The following AGBL1 variants were observed in gnomAD, a reference collection of about 807,000 sequenced individuals.
AGBL1 encodes cytosolic carboxypeptidase 4.
AGBL1 carries 130 observed loss-of-function variants against 118.9 expected under a neutral mutation model. The ratio of observed to expected loss-of-function variants is 1.09; its 90% CI spans 0.95 to 1.26. The LOEUF (loss-of-function observed/expected upper bound fraction) is 1.26. Ranked by LOEUF, AGBL1 falls within the 50% of genes most tolerant of loss-of-function variation. AGBL1 has a pLI of 0.00. For missense variants in AGBL1, 1,584 were observed against 1,298.1 expected (o/e 1.22, Z -3.38); for synonymous variants, 555 against 478.9 (o/e 1.16, Z -2.08).
At chr15:86,747,876 C>G (rs950273409) in intron 22 of AGBL1, among the ~76,000 whole-genome samples, 1 of 152,142 alleles carries the variant, frequency 6.6e-6, no homozygotes, top group African/African-American at 2.4e-5. Context: ...TCCAGTCTAT[C>G]GTTGATGGAC....
chr15:86,258,049 T>C lies in AGBL1; in HGVS notation c.969+18T>C. On this transcript the variant is annotated intron_variant, in intron 9 of 22. Coordinates refer to ENST00000614907, the MANE Select transcript of AGBL1 (RefSeq NM_001386094.1). The stretch of plus-strand genomic sequence containing the variant: ...AAGTGGAAGTAGGTACACCAGCCCA[T>C]GCTTCTAATGATGTCCATAGTCACA... The C allele has an allele frequency of 6.2e-7, 1 of 1,610,852 alleles. No homozygotes were observed. Among genetic ancestry groups the C allele is most frequent in the African/African-American group, 1.3e-5 (1 of 74,934 alleles).
At chr15:86,599,613 G>A (rs969147198) in intron 21 of AGBL1, among the ~76,000 whole-genome samples, 1 of 152,102 alleles carries the variant, frequency 6.6e-6, no homozygotes, top group Non-Finnish European at 1.5e-5. Context: ...GTTTCTTTGG[G>A]TAAGTGCCTA....
At chr15:86,806,971 T>G (rs1334891261) in intron 22 of AGBL1, among the ~76,000 whole-genome samples, 1 of 152,142 alleles carries the variant, frequency 6.6e-6, no homozygotes, top group Non-Finnish European at 1.5e-5. Context: ...GAATCTAATT[T>G]ATATTTTATA....
chr15:86,495,568 G>A (rs1468947110), intron 18 of AGBL1, among the ~76,000 whole-genome samples: 4 of 151,718 alleles, frequency 2.6e-5, no homozygotes, highest in Non-Finnish European at 5.9e-5. Context: ...TTTGATGCCA[G>A]AAGGTCATGG....
At chr15:86,515,646 T>G (rs1035706150) in intron 18 of AGBL1, among the ~76,000 whole-genome samples, 2 of 152,228 alleles carry the variant, frequency 1.3e-5, no homozygotes, top group Non-Finnish European at 2.9e-5. Flanking sequence ...TTGTTCAAAA[T>G]GTCAGCTGGT....
At chr15:86,833,472 C>A (rs185489183) in intron 22 of AGBL1, among the ~76,000 whole-genome samples, 1 of 152,208 alleles carries the variant, frequency 6.6e-6, no homozygotes, top group Admixed American at 6.5e-5. Flanking sequence ...GCTTTTGCTT[C>A]TTCCTCACTC....
chr15:86,411,677 C>G (rs562978040), intron 18 of AGBL1, among the ~76,000 whole-genome samples: 48 of 152,234 alleles, frequency 3.2e-4, no homozygotes, highest in African/African-American at 1.2e-3. Context: ...TGCCCCCTAC[C>G]CTTCCCTCTG....
intron 18 of AGBL1, among the ~76,000 whole-genome samples, chr15:86,505,950 G>A (rs79992923): frequency 6.6e-6 from 1 of 152,124 alleles, no homozygotes; most frequent in East Asian, 1.9e-4. Flanking sequence ...TTTGTTTAGT[G>A]ACTTCTTGAA....
intron 22 of AGBL1, among the ~76,000 whole-genome samples, chr15:86,706,746 T>C (rs1296052093): frequency 6.6e-6 from 1 of 152,154 alleles, no homozygotes; most frequent in Non-Finnish European, 1.5e-5. Context: ...TTATCTTCTG[T>C]CTTTGAGGAT....
intron 15 of AGBL1, 116 bp from the exon 16 acceptor site, chr15:86,279,523 A>C (rs1001932433): frequency 1.6e-5 from 16 of 977,950 alleles, no homozygotes; most frequent in Non-Finnish European, 2.3e-5. Flanking sequence ...AGTGAAGGCC[A>C]TTGTGCCAGG....
intron 22 of AGBL1, among the ~76,000 whole-genome samples, chr15:86,718,069 A>T (rs2086663991): frequency 6.6e-6 from 1 of 152,144 alleles, no homozygotes. Flanking sequence ...TGGGCAATGG[A>T]GCAGGACCCC....
chr15:86,275,212 A>G (rs538356179), intron 15 of AGBL1, among the ~76,000 whole-genome samples: 44 of 152,298 alleles, frequency 2.9e-4, no homozygotes, highest in Admixed American at 1.3e-3. Flanking sequence ...TAGAGTGGCC[A>G]TGTAATACAC....
chr15:86,454,700 A>G (rs2142075084), intron 18 of AGBL1, among the ~76,000 whole-genome samples: 1 of 152,276 alleles, frequency 6.6e-6, no homozygotes, highest in South Asian at 2.1e-4. Flanking sequence ...AGACAAAACT[A>G]AACTAAACTG....
At chr15:86,786,263 G>A (rs771912043) in intron 22 of AGBL1, among the ~76,000 whole-genome samples, 10 of 150,664 alleles carry the variant, frequency 6.6e-5, no homozygotes, top group Admixed American at 4.0e-4. Flanking sequence ...CCCTTCCCCC[G>A]ACCCCACAAC....
At chr15:86,204,737 G>C (rs1301914167) in intron 5 of AGBL1, among the ~76,000 whole-genome samples, 2 of 152,042 alleles carry the variant, frequency 1.3e-5, no homozygotes, top group East Asian at 1.9e-4. Context: ...CTACAGGCGT[G>C]CACCACCATG....
chr15:86,691,172 C>T (rs2086162051), intron 22 of AGBL1, among the ~76,000 whole-genome samples: 1 of 151,938 alleles, frequency 6.6e-6, no homozygotes, highest in Non-Finnish European at 1.5e-5. Context: ...GTGGTGTATT[C>T]CTGGAGGTAC....
At chr15:86,477,744 C>G (rs1048406401) in intron 18 of AGBL1, among the ~76,000 whole-genome samples, 1 of 152,168 alleles carries the variant, frequency 6.6e-6, no homozygotes, top group South Asian at 2.1e-4. Flanking sequence ...AGGCCAGCAT[C>G]GTTCTGAGAC....
chr15:86,166,767 T>G (rs1197913359), intron 5 of AGBL1, among the ~76,000 whole-genome samples: 1 of 152,108 alleles, frequency 6.6e-6, no homozygotes, highest in Non-Finnish European at 1.5e-5. Context: ...GTGAGAAGGG[T>G]GCTTGATATG....
At chr15:86,779,781 A>G (rs1270688271) in intron 22 of AGBL1, among the ~76,000 whole-genome samples, 1 of 151,962 alleles carries the variant, frequency 6.6e-6, no homozygotes, top group Non-Finnish European at 1.5e-5. Flanking sequence ...AATAAAATAG[A>G]GTATTTTATT....
Sources: gnomAD v4.1 joint callset for allele counts (sites outside exome capture counted in the v4.1 genomes callset) on GRCh38, gnomAD v4.1.1 for gene constraint, MANE v1.5 for transcripts, NCBI Gene and HGNC (gene_info 2026-07-23, HGNC 2026-07-21) for gene names.